The following TXNRD1 variants were observed in gnomAD, a reference collection of about 807,000 sequenced individuals.
TXNRD1 encodes the protein thioredoxin reductase 1, cytoplasmic.
TXNRD1 carries 57 observed loss-of-function variants against 80.3 expected under a neutral mutation model. That is an observed-to-expected ratio of 0.71 (90% CI 0.57 to 0.89). TXNRD1 has a LOEUF of 0.89. Among genes scored for constraint, TXNRD1 ranks in the 40% least tolerant of loss-of-function variants. The pLI is 0.00. For missense variants in TXNRD1, 730 were observed against 803.0 expected (o/e 0.91, Z 1.10); for synonymous variants, 291 against 285.2 (o/e 1.02, Z -0.20).
intron 3 of TXNRD1, among the ~76,000 whole-genome samples, chr12:104,278,206 T>A (rs2033798455): frequency 2.5e-5 from 1 of 39,454 alleles, no homozygotes; most frequent in Admixed American, 2.6e-4. Context: ...TTTTTTTTTT[T>A]TTTTTTTTTT....
intron 4 of TXNRD1, chr12:104,304,849 A>AG (rs779817123): frequency 6.2e-7 from 1 of 1,613,946 alleles, no homozygotes; most frequent in South Asian, 1.1e-5. Context: ...GGAAACAGGG[A>AG]GTTATATCTT....
At chr12:104,334,212 A>G (rs771438860) in intron 14 of TXNRD1, 25 bp from the exon 15 acceptor site, 6 of 1,360,370 alleles carry the variant, frequency 4.4e-6, no homozygotes, top group Non-Finnish European at 6.0e-6. Flanking sequence ...TAATGGGTCT[A>G]AATTTTGCTT....
chr12:104,303,729 G>A, intron 4 of TXNRD1: 1 of 839,126 alleles, frequency 1.2e-6, no homozygotes, highest in South Asian at 2.1e-5. Flanking sequence ...GGGCCGGGCC[G>A]CTAGTGCGCA....
intron 2 of TXNRD1, among the ~76,000 whole-genome samples, chr12:104,256,776 CAAAAA>C (rs71069738): frequency 4.2e-5 from 5 of 119,044 alleles, no homozygotes; most frequent in African/African-American, 1.6e-4. Context: ...GACTCTGTCT[CAAAAA>C]AAAAAAAAAA....
intron 3 of TXNRD1, among the ~76,000 whole-genome samples, chr12:104,261,395 T>C (rs907578088): frequency 6.6e-6 from 1 of 152,224 alleles, no homozygotes; most frequent in Non-Finnish European, 1.5e-5. Context: ...ACTCCTGACC[T>C]CAGGTGATCC....
At chr12:104,263,235 TC>T (rs1321023645) in intron 3 of TXNRD1, among the ~76,000 whole-genome samples, 1 of 152,192 alleles carries the variant, frequency 6.6e-6, no homozygotes. Context: ...GATATCACCT[TC>T]TTATGATGAG....
rs1243866805 is a variant in TXNRD1 at position 104,313,302 on chromosome 12, C to G, written c.595C>G (p.Leu199Val). 1 of 1,589,854 alleles carries G rather than the reference C, an allele frequency of 6.3e-7. No homozygotes were observed. The highest frequency in any genetic ancestry group is 1.6e-4 in the Middle Eastern group (1 of 6,066). ...CCTGGACTTTGTCACTCCCACCCCT[C>G]TTGGAACTAGATGGGGTAAGCTTTT... ...MVLDFVTPTPLGTRWGLGGTC... is the reference protein window; with the variant it reads ...MVLDFVTPTPVGTRWGLGGTC... Residue 199 changes from leucine (L) to valine (V), a missense_variant, in exon 6 of 17, where the codon CTT (leucine) becomes GTT (valine). Transcript: ENST00000525566.
rs182029155 is a variant in TXNRD1, at chr12:104,227,991, T to C, written c.91+12098T>C. Among the ~76,000 whole-genome samples the C allele has an allele frequency of 2.2e-3, 328 of 152,258 alleles. 1 individual carries two copies. Among genetic ancestry groups the C allele is most frequent in the African/African-American group, 7.4e-3 (308 of 41,558 alleles). On this transcript the variant is annotated intron_variant, in intron 1 of 16. Coordinates refer to ENST00000525566, the MANE Select transcript of TXNRD1 (RefSeq NM_001093771.3). ...ATTATAGAGTTGCTATAAGCATTGG[T>C]ATATAAGTTTTTTAAAAATTGATAT...
At chr12:104,330,550 A>C (rs921673940) in intron 13 of TXNRD1, among the ~76,000 whole-genome samples, 1 of 151,800 alleles carries the variant, frequency 6.6e-6, no homozygotes, top group African/African-American at 2.4e-5. Context: ...TTTTACATTA[A>C]GGGTGTGAAC....
At chr12:104,328,460 A>G (rs908462026) in intron 13 of TXNRD1, among the ~76,000 whole-genome samples, 1 of 152,054 alleles carries the variant, frequency 6.6e-6, no homozygotes, top group African/African-American at 2.4e-5. Context: ...GTCCTTAGAA[A>G]ATATCTGTCT....
At chr12:104,254,293 G>A (rs1218731689) in intron 2 of TXNRD1, among the ~76,000 whole-genome samples, 1 of 152,058 alleles carries the variant, frequency 6.6e-6, no homozygotes, top group African/African-American at 2.4e-5. Flanking sequence ...AGAACTACTT[G>A]CATTTTTCCT....
At chr12:104,233,853 A>T (rs2032677701) in intron 1 of TXNRD1, among the ~76,000 whole-genome samples, 1 of 152,108 alleles carries the variant, frequency 6.6e-6, no homozygotes, top group South Asian at 2.1e-4. Context: ...CCGTAAATAT[A>T]TCAAAATAAG....
intron 1 of TXNRD1, among the ~76,000 whole-genome samples, chr12:104,251,314 T>C (rs1363322463): frequency 2.6e-5 from 4 of 152,216 alleles, no homozygotes; most frequent in Non-Finnish European, 5.9e-5. Context: ...TTGACTGTGA[T>C]CTGAGTTAGG....
At chr12:104,255,837 T>C (rs2033237049) in intron 2 of TXNRD1, among the ~76,000 whole-genome samples, 1 of 152,176 alleles carries the variant, frequency 6.6e-6, no homozygotes, top group African/African-American at 2.4e-5. Flanking sequence ...TTATTTAATA[T>C]CATTATCCAA....
At chr12:104,300,301 A>G (rs2034579144) in intron 4 of TXNRD1, among the ~76,000 whole-genome samples, 1 of 152,190 alleles carries the variant, frequency 6.6e-6, no homozygotes, top group African/African-American at 2.4e-5. Flanking sequence ...CTGGGTAGCA[A>G]CTCTTGAGCG....
intron 1 of TXNRD1, among the ~76,000 whole-genome samples, chr12:104,228,818 C>T (rs1447970297): frequency 2.0e-5 from 3 of 151,862 alleles, no homozygotes; most frequent in African/African-American, 7.3e-5. Context: ...CTCCCGGGTT[C>T]ACGCCATTCT....
chr12:104,304,067 C>G, intron 4 of TXNRD1: 1 of 1,613,900 alleles, frequency 6.2e-7, no homozygotes, highest in Non-Finnish European at 8.5e-7. Context: ...CAGGCAGTAC[C>G]GGCAGCTCAT....
At chr12:104,283,298 C>A (rs1361594840) in intron 3 of TXNRD1, among the ~76,000 whole-genome samples, 1 of 152,024 alleles carries the variant, frequency 6.6e-6, no homozygotes, top group Non-Finnish European at 1.5e-5. Flanking sequence ...GTTGTCCAGG[C>A]TGGAGTACAA....
At chr12:104,256,591 C>T (rs1440891018) in intron 2 of TXNRD1, among the ~76,000 whole-genome samples, 1 of 151,708 alleles carries the variant, frequency 6.6e-6, no homozygotes, top group Non-Finnish European at 1.5e-5. Flanking sequence ...CCATCCTGGC[C>T]AACATGGTGA....
Sources: gnomAD v4.1 joint callset for allele counts (sites outside exome capture counted in the v4.1 genomes callset) on GRCh38, gnomAD v4.1.1 for gene constraint, MANE v1.5 for transcripts, NCBI Gene and HGNC (gene_info 2026-07-23, HGNC 2026-07-21) for gene names.